SYNM: variants seen among roughly 807,000 people sequenced by gnomAD.
SYNM encodes the protein synemin.
Under a neutral mutation model 104.0 loss-of-function variants are expected in SYNM, and 95 were observed. The observed-to-expected ratio is 0.91, with a 90% CI of 0.77 to 1.08. The LOEUF is 1.08. SYNM is among the 50% of genes least tolerant of loss of function. The pLI is 0.00. For synonymous variants in SYNM, 918 were observed against 869.0 expected, an observed-to-expected ratio of 1.06 and a Z score of -0.99; for missense variants, 2,150 against 2,052.2, an observed-to-expected ratio of 1.05 and a Z score of -0.92.
rs1555486113 is a variant in SYNM, at chr15:99,132,413, G to A, written c.4053G>A (p.Val1351=). The change falls in exon 4 of 4, where the codon GTG becomes GTA. Residue 1351 remains valine (V), a synonymous_variant. Coordinates refer to ENST00000336292, the MANE Select transcript of SYNM (RefSeq NM_145728.3). The part of the protein sequence containing the change: ...STVHGEGSAD[V]HQATHSHTSG... ...TGCACGGAGAGGGCTCAGCAGATGT[G>A]CACCAGGCCACTCACAGTCATACCT... The A allele has an allele frequency of 1.2e-6, 2 of 1,614,012 alleles. No individual in the cohort carries two copies. Among genetic ancestry groups the A allele is most frequent in the Non-Finnish European group, 1.7e-6 (2 of 1,179,890 alleles).
At chr15:99,120,592 G>T (rs1178345351) in intron 2 of SYNM, among the ~76,000 whole-genome samples, 1 of 152,154 alleles carries the variant, frequency 6.6e-6, no homozygotes, top group Non-Finnish European at 1.5e-5. Flanking sequence ...GCTGGGTGGG[G>T]GCCTGCAAAG....
chr15:99,140,054 T>G (rs2068049423), downstream of SYNM: 1 of 219,172 alleles, frequency 4.6e-6, no homozygotes, highest in African/African-American at 2.3e-5. Context: ...GGAACTTGCT[T>G]TACTGAATGC....
chr15:99,131,145 A>G lies in SYNM; in HGVS notation c.2785A>G (p.Ile929Val). ...EPTVIEKEIK[I>V]PHEFHTSMKG... ...CACAGTCATTGAAAAAGAAATTAAA[A>G]TACCCCACGAATTCCACACCTCCAT... Residue 929 changes from isoleucine (I) to valine (V), a missense_variant, in exon 4 of 4, where the codon ATA becomes GTA. By Grantham distance (29) the Ile-to-Val change is conservative. Transcript: ENST00000336292. This position sits in a 1 kb window ranked among gnomAD's most constrained non-coding sequence, Gnocchi z 4.3. 6.2e-7 allele frequency: 1 copy of G among 1,600,344 alleles called. No individual in the cohort carries two copies. The highest frequency in any genetic ancestry group is 1.7e-4 in the Middle Eastern group (1 of 6,054).
At chr15:99,139,458 TAAG>T, downstream of SYNM, 1 of 1,610,108 alleles carries the variant, frequency 6.2e-7, no homozygotes. Flanking sequence ...AGCAGGAAAC[TAAG>T]GTCTCCCTTG....
rs782229796 is a variant in SYNM, at chr15:99,131,637, C to T, written c.3277C>T (p.Arg1093Cys). 3.3e-5 allele frequency: 53 copies of T among 1,610,702 alleles called. No homozygotes were observed. Among genetic ancestry groups the T allele is most frequent in the South Asian group, 6.6e-5 (6 of 90,920 alleles). The change falls in exon 4 of 4, where the codon CGC becomes TGC. Residue 1093 changes from arginine to cysteine, a missense_variant. Physicochemically the swap from Arg to Cys is radical, Grantham distance 180. Transcript: ENST00000336292. This position sits in a 1 kb window ranked among gnomAD's most constrained non-coding sequence, Gnocchi z 4.3. ...AGGASHSSGQ[R>C]TPQGPVSATV... Reference sequence around the variant, plus strand: ...TGGGGCCTCTCACAGCTCGGGACAGCGCACTCCCCAGGGCCCAGTGTCGGC... The same window carrying T: ...TGGGGCCTCTCACAGCTCGGGACAGTGCACTCCCCAGGGCCCAGTGTCGGC...
rs1555486202 is a variant in SYNM, at chr15:99,132,767, A to T, written c.4407A>T (p.Val1469=). The change falls in exon 4 of 4, where the codon GTA becomes GTT. Residue 1469 remains valine, a synonymous_variant. Transcript: ENST00000336292. ...SFTFQMDVSN[V]EAIRSRTQEA... is the part of the protein sequence containing the mutation. The stretch of plus-strand genomic sequence containing the variant: ...CCTTTCAGATGGATGTGAGTAACGT[A>T]GAGGCGATCCGCAGCCGGACACAGG... The T allele has an allele frequency of 6.2e-7, 1 of 1,613,960 alleles. No individual in the cohort carries two copies. Among genetic ancestry groups the T allele is most frequent in the Admixed American group, 1.7e-5 (1 of 60,024 alleles).
At position 99,105,204 on chromosome 15, in the gene SYNM, T is replaced by C. The variant is rs781923969; in HGVS notation, c.5T>C (p.Leu2Pro). The change falls in exon 1 of 4, where the codon CTG (leucine) becomes CCG (proline). Residue 2 changes from leucine to proline, a missense_variant. Coordinates refer to ENST00000336292, the MANE Select transcript of SYNM (RefSeq NM_145728.3). M[L>P]SWRLQTGPEK... ...GAACCCCGCACGCCCGGCAAGATGC[T>C]GTCCTGGCGGCTGCAGACGGGCCCC... is the stretch of plus-strand genomic sequence containing the variant. 1 of 1,573,680 alleles carries C rather than the reference T, an allele frequency of 6.4e-7. No individual in the cohort carries two copies. The highest frequency in any genetic ancestry group is 8.6e-7 in the Non-Finnish European group (1 of 1,161,992).
At chr15:99,122,367 A>C (rs1163998615) in intron 2 of SYNM, among the ~76,000 whole-genome samples, 1 of 152,172 alleles carries the variant, frequency 6.6e-6, no homozygotes, top group Non-Finnish European at 1.5e-5. Flanking sequence ...GTACCTTTTC[A>C]CGTGTCTATT....
intron 1 of SYNM, among the ~76,000 whole-genome samples, chr15:99,110,764 T>C (rs1468888413): frequency 6.6e-6 from 1 of 152,198 alleles, no homozygotes; most frequent in East Asian, 1.9e-4. Flanking sequence ...GCCCAAAAGT[T>C]CTCTAAATAG....
At position 99,130,139 on chromosome 15, in the gene SYNM, GA is replaced by G; in HGVS notation, c.1782del (p.Gly595ValfsTer6). 6.2e-7 allele frequency: 1 copy of G among 1,613,932 alleles called. No individual in the cohort carries two copies. The highest frequency in any genetic ancestry group is 8.5e-7 in the Non-Finnish European group (1 of 1,179,902). ...AGGACAGAAGAGCAGAGGTGTCCCC[GA>G]AAGGTTTGCAGACGCCTGTGAAGGA... ...SQDRRAEVSP[K>X]GLQTPVKDAG... On this transcript the variant is annotated frameshift_variant, in exon 4 of 4. Transcript: ENST00000336292. LOFTEE classifies it high-confidence loss of function.
chr15:99,110,697 T>C (rs1226364520), intron 1 of SYNM, among the ~76,000 whole-genome samples: 1 of 152,230 alleles, frequency 6.6e-6, no homozygotes, highest in Non-Finnish European at 1.5e-5. Flanking sequence ...CTTTTGATAC[T>C]GACAGCAGCA....
intron 2 of SYNM, among the ~76,000 whole-genome samples, chr15:99,118,359 T>C (rs1555484174): frequency 6.6e-6 from 1 of 152,270 alleles, no homozygotes; most frequent in East Asian, 1.9e-4. Flanking sequence ...CTGACCCTTA[T>C]TCTTTAACTA....
chr15:99,119,367 G>A (rs781971074), intron 2 of SYNM, among the ~76,000 whole-genome samples: 2 of 152,224 alleles, frequency 1.3e-5, no homozygotes, highest in African/African-American at 2.4e-5. Context: ...ATACTGGACC[G>A]AAGTTGGCCT....
At chr15:99,127,221 A>G (rs2067456162) in intron 3 of SYNM, among the ~76,000 whole-genome samples, 2 of 152,172 alleles carry the variant, frequency 1.3e-5, no homozygotes, top group Non-Finnish European at 2.9e-5. Context: ...CTACCCTAAC[A>G]GGAAGAGAGA....
chr15:99,130,488 A>C lies in SYNM; in HGVS notation c.2128A>C (p.Lys710Gln), dbSNP rs782099454. The C allele has an allele frequency of 1.1e-5, 17 of 1,613,904 alleles. No individual in the cohort carries two copies. The highest frequency in any genetic ancestry group is 2.2e-5 in the East Asian group (1 of 44,868). Residue 710 changes from lysine (K) to glutamine (Q), a missense_variant, in exon 4 of 4, where the codon AAG (lysine) becomes CAG (glutamine). Transcript: ENST00000336292. ...AGCTGGCCTGGACTACCTTTTAAGCAAGGATATTAAGGAAGTGGGGCTGAA... is the reference window on the plus strand; with the variant it reads ...AGCTGGCCTGGACTACCTTTTAAGCCAGGATATTAAGGAAGTGGGGCTGAA... Reference protein sequence around the residue: ...DEAGLDYLLSKDIKEVGLKGK... With the variant: ...DEAGLDYLLSQDIKEVGLKGK...
downstream of SYNM, among the ~76,000 whole-genome samples, chr15:99,138,318 A>T (rs1477484177): frequency 3.3e-5 from 5 of 151,290 alleles, no homozygotes; most frequent in South Asian, 6.3e-4. Context: ...TTATTTTTTT[A>T]ATTTTTTTTT....
Position 99,131,706 on chromosome 15 carries a change from G to A in SYNM, c.3346G>A (p.Val1116Met). Residue 1116 changes from valine (V) to methionine (M), a missense_variant, in exon 4 of 4, where the codon GTG becomes ATG. Val to Met is a conservative substitution (Grantham distance 21). Coordinates refer to ENST00000336292, the MANE Select transcript of SYNM (RefSeq NM_145728.3). The surrounding 1 kb of genome is among the most constrained non-coding windows in gnomAD (Gnocchi z 4.3). ...SSPTGFAQSQ[V>M]LEDVSQAARH... is the part of the protein sequence containing the mutation. ...CCCCACAGGCTTTGCCCAGTCACAG[G>A]TGCTGGAGGATGTGAGCCAGGCTGC... 8 of 1,613,590 alleles carry A rather than the reference G, an allele frequency of 5.0e-6. No individual in the cohort carries two copies. The highest frequency in any genetic ancestry group is 1.1e-5 in the South Asian group (1 of 91,066).
At position 99,132,026 on chromosome 15, in the gene SYNM, A is replaced by G. The variant is rs371104479; in HGVS notation, c.3666A>G (p.Thr1222=). 9.9e-6 allele frequency: 16 copies of G among 1,613,800 alleles called. No individual in the cohort carries two copies. The highest frequency in any genetic ancestry group is 2.2e-5 in the South Asian group (2 of 91,086). The change falls in exon 4 of 4, where the codon ACA becomes ACG. Residue 1222 remains threonine (T), a synonymous_variant. Coordinates refer to ENST00000336292, the MANE Select transcript of SYNM (RefSeq NM_145728.3). ...TGGACGGATCAGGGAGGCACAGCAC[A>G]TTTGGCTGCAGACAATTTCATGCTG... The part of the protein sequence containing the change: ...ADMDGSGRHS[T]FGCRQFHAEK...
In SYNM at chr15:99,129,875, G is replaced by A. The variant is rs373615590; in HGVS notation, c.1515G>A (p.Thr505=). The A allele has an allele frequency of 8.7e-6, 14 of 1,613,216 alleles. No homozygotes were observed. In the African/African-American group the frequency reaches 1.1e-4, roughly 12 times the overall value. ...ILGKKTEVKA[T]REQERNRPET... is the part of the protein sequence containing the mutation. ...GAAAGAAAACAGAAGTGAAAGCCACGAGGGAGCAAGAAAGAAACAGACCAG... is the reference window on the plus strand; with the variant it reads ...GAAAGAAAACAGAAGTGAAAGCCACAAGGGAGCAAGAAAGAAACAGACCAG... The change falls in exon 4 of 4, where the codon ACG becomes ACA. Residue 505 remains threonine, a synonymous_variant. Coordinates refer to ENST00000336292, the MANE Select transcript of SYNM (RefSeq NM_145728.3).
Sources: allele counts gnomAD v4.1 joint callset (sites outside exome capture counted in the v4.1 genomes callset), GRCh38; gene constraint gnomAD v4.1.1; non-coding constraint Gnocchi (gnomAD v3.1); transcripts MANE v1.5; gene names NCBI Gene and HGNC (gene_info 2026-07-23, HGNC 2026-07-21).